DPAGT1: variants seen among roughly 807,000 people sequenced by gnomAD.
DPAGT1 encodes UDP-N-acetylglucosamine--dolichyl-phosphate N-acetylglucosaminephosphotransferase.
A neutral mutation model predicts 39.3 loss-of-function variants in DPAGT1; 25 were observed. That is an observed-to-expected ratio of 0.64 (90% CI 0.46 to 0.89). DPAGT1 has a LOEUF of 0.89. Among genes scored for constraint, DPAGT1 ranks in the 40% least tolerant of loss-of-function variants. The pLI, the probability that DPAGT1 is intolerant of heterozygous loss-of-function variation, is 0.00. For synonymous variants in DPAGT1, 193 were observed against 201.4 expected (o/e 0.96, Z 0.36); for missense variants, 381 against 500.6 (o/e 0.76, Z 2.28).
intron 4 of DPAGT1, among the ~76,000 whole-genome samples, chr11:119,099,436 A>AAAG (rs1392908223): frequency 2.7e-5 from 4 of 150,694 alleles, no homozygotes; most frequent in East Asian, 3.9e-4. Context: ...AAAAAAAAAA[A>AAAG]AAAAGAAAAG....
chr11:119,098,276 C>G, intron 5 of DPAGT1, 127 bp downstream of exon 5: 3 of 1,218,468 alleles, frequency 2.5e-6, no homozygotes, highest in Non-Finnish European at 3.7e-6. Context: ...ATACGACCAA[C>G]TGAAGACGCA....
rs2134910657 is a variant in DPAGT1 at position 119,100,265 on chromosome 11, C to T, written c.640G>A (p.Glu214Lys). The T allele has an allele frequency of 1.2e-6, 2 of 1,614,204 alleles. No individual in the cohort carries two copies. The highest frequency in any genetic ancestry group is 4.5e-5 in the East Asian group (2 of 44,890). Residue 214 changes from glutamate (E) to lysine (K), a missense_variant, in exon 4 of 9, where the codon GAA becomes AAA. By Grantham distance (56) the Glu-to-Lys change is moderately conservative. Transcript: ENST00000354202. The stretch of plus-strand genomic sequence containing the variant: ...CCCCACCCCCAATCCCACCTACCTT[C>T]CAACTCTACCAGGTTGAAGACAATG... ...SIIVFNLVEL[E>K]GDCRDDHVFS...
downstream of DPAGT1, chr11:119,095,552 C>T (rs1240811775): frequency 1.2e-6 from 1 of 805,192 alleles, no homozygotes; most frequent in African/African-American, 1.8e-5. Context: ...CCAATACCCG[C>T]CTCCGGTTGG....
At chr11:119,101,391 TTC>T in intron 1 of DPAGT1, 102 bp downstream of exon 1, 1 of 1,601,058 alleles carries the variant, frequency 6.2e-7, no homozygotes, top group South Asian at 1.1e-5. Flanking sequence ...CCTGGGTTAG[TTC>T]TGAGTCTTCA....
chr11:119,098,603 C>T (rs763317918), intron 4 of DPAGT1, 116 bp from the exon 5 acceptor site: 29 of 973,536 alleles, frequency 3.0e-5, no homozygotes, highest in Middle Eastern at 2.3e-4. Flanking sequence ...ACCCAAGTCA[C>T]TTTTAAGAAC....
Position 119,098,269 on chromosome 11 carries a change from C to T in DPAGT1, c.728+134G>A, listed in dbSNP as rs545231176. The stretch of plus-strand genomic sequence containing the variant: ...CTGGGTAGAGAGAAATTTCAGAATA[C>T]GACCAACTGAAGACGCAGAAAACTC... On this transcript the variant is annotated intron_variant, in intron 5 of 8. Transcript: ENST00000354202. The T allele has an allele frequency of 7.1e-5, 84 of 1,181,716 alleles. No homozygotes were observed. The Admixed American group carries it at 7.2e-4, about 10-fold the overall frequency. The allele number at this position is 1,181,716 out of a possible 1,614,324, so 73.2% of individuals were successfully genotyped here. A position where few individuals can be genotyped will look rare whatever the true frequency, so the allele number is the denominator to read the frequency against.
downstream of DPAGT1, chr11:119,094,854 C>G: frequency 8.4e-7 from 1 of 1,195,116 alleles, no homozygotes; most frequent in Non-Finnish European, 1.1e-6. Flanking sequence ...GCCCGCTTGC[C>G]CCGCAGTCTG....
downstream of DPAGT1, chr11:119,095,448 C>A: frequency 6.8e-7 from 1 of 1,461,642 alleles, no homozygotes; most frequent in South Asian, 1.4e-5. Context: ...AACAGACGCC[C>A]GCCGCAGTGT....
rs1167997415 is a variant in DPAGT1, at chr11:119,098,477, C to G, written c.654G>C (p.Arg218=). The change falls in exon 5 of 9, where the codon CGG becomes CGC. Residue 218 remains arginine, a synonymous_variant. Transcript: ENST00000354202. ...FNLVELEGDC[R]DDHVFSLYFM... is the part of the protein sequence containing the mutation. ...AGTAGAGGGAAAAGACATGATCATC[C>G]CGACAATCACCTTTGGAAGCAAGGA... The G allele has an allele frequency of 6.2e-7, 1 of 1,614,120 alleles. No homozygotes were observed. Among genetic ancestry groups the G allele is most frequent in the Non-Finnish European group, 8.5e-7 (1 of 1,180,014 alleles).
At chr11:119,100,216 C>T in intron 4 of DPAGT1, 46 bp downstream of exon 4, 2 of 1,613,604 alleles carry the variant, frequency 1.2e-6, no homozygotes, top group Non-Finnish European at 1.7e-6. Context: ...TCAGGCCACA[C>T]CTTTAACACT....
In DPAGT1 at chr11:119,097,024, G is replaced by A. The variant is rs150532554; in HGVS notation, c.1201C>T (p.Leu401Phe). ...CAGACATCATAGAAGAGTCGAACGA[G>A]CTGATATCGAATGGAGAAGGTGATG... ...SAITFSIRYQ[L>F]VRLFYDV Residue 401 changes from leucine to phenylalanine, a missense_variant, in exon 9 of 9, where the codon CTC (leucine) becomes TTC (phenylalanine). Physicochemically the swap from Leu to Phe is conservative, Grantham distance 22. Coordinates refer to ENST00000354202, the MANE Select transcript of DPAGT1 (RefSeq NM_001382.4). This position sits in a 1 kb window ranked among gnomAD's most constrained non-coding sequence, Gnocchi z 4.6. 39 of 1,614,088 alleles carry A rather than the reference G, an allele frequency of 2.4e-5. No homozygotes were observed. In the African/African-American group the frequency reaches 4.7e-4, roughly 19 times the overall value.
chr11:119,100,663 A>C lies in DPAGT1; in HGVS notation c.463T>G (p.Phe155Val), dbSNP rs766131005. 12 of 1,614,132 alleles carry C rather than the reference A, an allele frequency of 7.4e-6. No homozygotes were observed. Among genetic ancestry groups the C allele is most frequent in the Non-Finnish European group, 1.0e-5 (12 of 1,180,000 alleles). ...GNTTIVVPKP[F>V]RPILGLHLDL... ...AGATGCAGGCCAAGTATCGGGCGGA[A>C]GGGCTTGGGCACCACAATGGTCGTG... is the stretch of plus-strand genomic sequence containing the variant. The change falls in exon 3 of 9, where the codon TTC becomes GTC. Residue 155 changes from phenylalanine to valine, a missense_variant. By Grantham distance (50) the Phe-to-Val change is conservative. Coordinates refer to ENST00000354202, the MANE Select transcript of DPAGT1 (RefSeq NM_001382.4).
downstream of DPAGT1, chr11:119,094,874 A>T: frequency 7.5e-7 from 1 of 1,325,182 alleles, no homozygotes; most frequent in Non-Finnish European, 1.0e-6. Context: ...GAAGCGGCTC[A>T]GCTCTTTCCA....
intron 3 of DPAGT1, 75 bp downstream of exon 3, chr11:119,100,555 G>C: frequency 1.9e-6 from 3 of 1,599,744 alleles, no homozygotes; most frequent in Non-Finnish European, 2.6e-6. Flanking sequence ...AGGAACACTT[G>C]GAGGAGAATG....
rs73562644 is a variant in DPAGT1 at position 119,097,764 on chromosome 11, C to A, written c.917+91G>T. ...ACATGGAAATAGCCCTTCTTTGGGC[C>A]CACTCCCTTTGCACAGCAAATGTAT... On this transcript the variant is annotated intron_variant, in intron 6 of 8. Transcript: ENST00000354202. This position sits in a 1 kb window ranked among gnomAD's most constrained non-coding sequence, Gnocchi z 4.6. The A allele has an allele frequency of 5.3e-4, 826 of 1,569,604 alleles. 3 individuals are homozygous for A. In the African/African-American group the frequency reaches 0.01, roughly 19 times the overall value.
Position 119,101,268 on chromosome 11 carries a change from G to T in DPAGT1, c.162-130C>A, listed in dbSNP as rs904679178. 1.0e-4 allele frequency: 144 copies of T among 1,401,674 alleles called. 1 individual carries two copies. The Middle Eastern group carries it at 3.6e-3, about 35-fold the overall frequency. 86.8% of individuals were successfully genotyped at this position (1,401,674 alleles called of 1,614,324 possible). On this transcript the variant is annotated intron_variant, in intron 1 of 8. Coordinates refer to ENST00000354202, the MANE Select transcript of DPAGT1 (RefSeq NM_001382.4). ...TTTTATTCTGGTAAGTGGTGAGGGG[G>T]GCGGAGGGAGGAAAGCACCACTGCC...
At chr11:119,095,164 C>T, downstream of DPAGT1, 1 of 1,614,052 alleles carries the variant, frequency 6.2e-7, no homozygotes, top group African/African-American at 1.3e-5. Flanking sequence ...GGATGATTCG[C>T]GTCTTCTTGT....
intron 1 of DPAGT1, 127 bp downstream of exon 1, chr11:119,101,368 G>T: frequency 6.4e-7 from 1 of 1,563,906 alleles, no homozygotes; most frequent in Non-Finnish European, 8.7e-7. Flanking sequence ...TCACCTCTCC[G>T]AGTTCCAGGC....
Position 119,101,085 on chromosome 11 carries a change from C to G in DPAGT1, c.215G>C (p.Cys72Ser). The G allele has an allele frequency of 1.2e-6, 2 of 1,614,122 alleles. No homozygotes were observed. The highest frequency in any genetic ancestry group is 1.7e-6 in the Non-Finnish European group (2 of 1,180,028). ...GTTCAGGAAGGGGAAAGGGATGAAGCAGAAGAGGATGATAAGGAAAACAGC... is the reference window on the plus strand; with the variant it reads ...GTTCAGGAAGGGGAAAGGGATGAAGGAGAAGAGGATGATAAGGAAAACAGC... ...SGAVFLIILF[C>S]FIPFPFLNCF... Residue 72 changes from cysteine to serine, a missense_variant, in exon 2 of 9, where the codon TGC (cysteine) becomes TCC (serine). Physicochemically the swap from Cys to Ser is moderately radical, Grantham distance 112 (BLOSUM62 -1). Transcript: ENST00000354202.
Sources: allele counts gnomAD v4.1 joint callset (sites outside exome capture counted in the v4.1 genomes callset), GRCh38; gene constraint gnomAD v4.1.1; non-coding constraint Gnocchi (gnomAD v3.1); transcripts MANE v1.5; gene names NCBI Gene and HGNC (gene_info 2026-07-23, HGNC 2026-07-21).